The following USH2A variants were observed in gnomAD, a reference collection of about 807,000 sequenced individuals.
USH2A encodes the protein Usher syndrome 2A (autosomal recessive, mild).
Under a neutral mutation model 538.9 loss-of-function variants are expected in USH2A, and 443 were observed. That is an observed-to-expected ratio of 0.82 (90% CI 0.76 to 0.89). USH2A has a LOEUF of 0.89. Ranked by LOEUF, USH2A falls within the 40% of genes least tolerant of loss-of-function variation. The probability of loss-of-function intolerance (pLI) is 0.00; values close to 1 mark genes in which losing one functional copy is unlikely to be tolerated. For missense variants in USH2A, 6,633 were observed against 6,324.8 expected (o/e 1.05, Z -1.65); for synonymous variants, 2,413 against 2,273.5 (o/e 1.06, Z -1.75).
chr1:215,656,379 T>A (rs974927349), intron 64 of USH2A, among the ~76,000 whole-genome samples: 1 of 152,198 alleles, frequency 6.6e-6, no homozygotes, highest in Non-Finnish European at 1.5e-5. Flanking sequence ...ATGCTACAAG[T>A]CTTGTTCAAA....
chr1:215,719,335 G>T (rs1455075696), intron 61 of USH2A, among the ~76,000 whole-genome samples: 7 of 107,622 alleles, frequency 6.5e-5, no homozygotes, highest in African/African-American at 2.2e-4. Context: ...GGGGGCCAGG[G>T]ATAAGACCGT....
At chr1:216,377,163 T>A (rs778603859) in intron 3 of USH2A, among the ~76,000 whole-genome samples, 3 of 152,178 alleles carry the variant, frequency 2.0e-5, no homozygotes, top group Non-Finnish European at 1.5e-5. Flanking sequence ...TTAAGCTCCT[T>A]CAGAGAACTG....
At chr1:216,391,540 C>T (rs1419100656) in intron 3 of USH2A, among the ~76,000 whole-genome samples, 3 of 152,158 alleles carry the variant, frequency 2.0e-5, no homozygotes, top group Non-Finnish European at 4.4e-5. Flanking sequence ...TTGCGCTTAA[C>T]CCCACTTCTT....
chr1:215,832,998 T>A (rs1663368735), intron 47 of USH2A, among the ~76,000 whole-genome samples: 1 of 151,896 alleles, frequency 6.6e-6, no homozygotes, highest in Non-Finnish European at 1.5e-5. Context: ...GGTATAAACT[T>A]AATAAAATAT....
intron 21 of USH2A, among the ~76,000 whole-genome samples, chr1:216,111,194 G>A (rs1436549594): frequency 6.6e-6 from 1 of 152,176 alleles, no homozygotes; most frequent in Non-Finnish European, 1.5e-5. Flanking sequence ...TCGTGCCACT[G>A]CACTCTAGCC....
At position 216,340,463 on chromosome 1, in the gene USH2A, A is replaced by ATC. The variant is rs1460817728; in HGVS notation, c.785-12810_785-12809insGA. Among the ~76,000 whole-genome samples, 4 of 151,834 alleles carry ATC rather than the reference A, an allele frequency of 2.6e-5. No homozygotes were observed. In the East Asian group the frequency reaches 7.8e-4, roughly 29 times the overall value. ...TTGAAACTATTCCAAAAAATTGAAA[A>ATC]CGAGGAATTCCTCCCTAACTCATTT... On this transcript the variant is annotated intron_variant, in intron 4 of 71. Transcript: ENST00000307340.
At chr1:216,370,693 A>AAAAAAAAAAAAAAAAAAAAAAAAC (rs1210544112) in intron 3 of USH2A, among the ~76,000 whole-genome samples, 1 of 150,558 alleles carries the variant, frequency 6.6e-6, no homozygotes. Context: ...AAAAAAAAAA[A>AAAAAAAAAAAAAAAAAAAAAAAAC]AAAAAAAAAT....
intron 21 of USH2A, among the ~76,000 whole-genome samples, chr1:216,150,009 T>G (rs925029940): frequency 6.6e-6 from 1 of 152,114 alleles, no homozygotes; most frequent in African/African-American, 2.4e-5. Flanking sequence ...ATAACCCTTA[T>G]GAGCCTAATA....
rs565032709 is a variant in USH2A at position 215,828,103 on chromosome 1, A to G, written c.9371+9888T>C. 8.5e-5 allele frequency among the ~76,000 whole-genome samples: 13 copies of G among 152,234 alleles called. No individual in the cohort carries two copies. In the East Asian group the frequency reaches 2.3e-3, roughly 27 times the overall value. ...GAAAAAAGGAGAATCCTCTTTCTCC[A>G]CAAGCTCTGACCTCTTGAACCATAC... On this transcript the variant is annotated intron_variant, in intron 47 of 71. Transcript: ENST00000307340.
chr1:215,867,128 C>A lies in USH2A; in HGVS notation c.8724G>T (p.Val2908=). The A allele has an allele frequency of 6.2e-7, 1 of 1,614,112 alleles. No homozygotes were observed. The highest frequency in any genetic ancestry group is 8.5e-7 in the Non-Finnish European group (1 of 1,180,006). ...YEYMLFVHNS[V]GFTPSREVTV... is the part of the protein sequence containing the mutation. ...TCACTTCTCGGCTCGGTGTAAAACC[C>A]ACACTGTTGTGTACGAAGAGCATAT... The change falls in exon 44 of 72, where the codon GTG becomes GTT. Residue 2908 remains valine (V), a synonymous_variant. Transcript: ENST00000307340.
At chr1:216,032,854 A>G (rs1451944896) in intron 32 of USH2A, among the ~76,000 whole-genome samples, 4 of 152,160 alleles carry the variant, frequency 2.6e-5, no homozygotes, top group African/African-American at 9.7e-5. Flanking sequence ...TCAGCCAGCA[A>G]CCTGAATGAG....
At chr1:215,757,542 C>G (rs1020832665) in intron 58 of USH2A, among the ~76,000 whole-genome samples, 1 of 152,288 alleles carries the variant, frequency 6.6e-6, no homozygotes, top group African/African-American at 2.4e-5. Flanking sequence ...GGGCGTGTCA[C>G]AATTTCATCT....
At chr1:216,358,660 T>G (rs1371618363) in intron 4 of USH2A, among the ~76,000 whole-genome samples, 1 of 152,136 alleles carries the variant, frequency 6.6e-6, no homozygotes, top group Non-Finnish European at 1.5e-5. Context: ...ACTGTACATA[T>G]AAATTGATAG....
intron 29 of USH2A, among the ~76,000 whole-genome samples, chr1:216,070,816 AGATAT>A (rs1001570507): frequency 7.4e-6 from 1 of 136,052 alleles, no homozygotes; most frequent in African/African-American, 2.7e-5. Flanking sequence ...AAGTTCTACC[AGATAT>A]GATATATGGA....
At chr1:215,956,455 G>A in intron 37 of USH2A, among the ~76,000 whole-genome samples, 1 of 152,064 alleles carries the variant, frequency 6.6e-6, no homozygotes, top group East Asian at 1.9e-4. Context: ...CAAAGCCAAA[G>A]GTACATCATC....
intron 23 of USH2A, among the ~76,000 whole-genome samples, chr1:216,087,363 T>G (rs947648752): frequency 2.6e-5 from 4 of 152,102 alleles, no homozygotes; most frequent in Non-Finnish European, 4.4e-5. Flanking sequence ...TATCTCCCCT[T>G]GGGTGTCTTA....
intron 11 of USH2A, among the ~76,000 whole-genome samples, chr1:216,274,522 T>C (rs1341209802): frequency 2.0e-5 from 3 of 152,102 alleles, no homozygotes; most frequent in African/African-American, 4.8e-5. Flanking sequence ...AGCTTCTGCA[T>C]CTAGAGAAGA....
At chr1:215,960,167 T>C (rs139115751) in intron 37 of USH2A, among the ~76,000 whole-genome samples, 1 of 152,254 alleles carries the variant, frequency 6.6e-6, no homozygotes, top group African/African-American at 2.4e-5. Flanking sequence ...TTTATATTTG[T>C]AGCTGAGAAT....
At chr1:216,372,566 A>G (rs1228695481) in intron 3 of USH2A, among the ~76,000 whole-genome samples, 2 of 152,130 alleles carry the variant, frequency 1.3e-5, no homozygotes, top group African/African-American at 4.8e-5. Flanking sequence ...TAGGAATGCA[A>G]GTAGATTTTT....
Sources: allele counts gnomAD v4.1 joint callset (sites outside exome capture counted in the v4.1 genomes callset), GRCh38; gene constraint gnomAD v4.1.1; transcripts MANE v1.5; gene names NCBI Gene and HGNC (gene_info 2026-07-23, HGNC 2026-07-21).